The following ZNF774 variants were observed in gnomAD, a reference collection of about 807,000 sequenced individuals.
ZNF774 encodes zinc finger protein 774.
A neutral mutation model predicts 11.1 loss-of-function variants in ZNF774; 14 were observed. The observed-to-expected ratio is 1.26, with a 90% CI of 0.83 to 1.97. The LOEUF (loss-of-function observed/expected upper bound fraction) is 1.97. ZNF774 is among the 30% of genes most tolerant of loss of function. The pLI, the probability that ZNF774 is intolerant of heterozygous loss-of-function variation, is 0.00. For missense variants in ZNF774, 599 were observed against 587.0 expected (o/e 1.02, Z -0.21); for synonymous variants, 195 against 212.6 (o/e 0.92, Z 0.72).
chr15:90,359,782 C>G (rs917232227), intron 3 of ZNF774, among the ~76,000 whole-genome samples: 1 of 152,176 alleles, frequency 6.6e-6, no homozygotes, highest in African/African-American at 2.4e-5. Context: ...CTAAAGAAAC[C>G]GCACAATATT....
rs761997361 is a variant in ZNF774 at position 90,361,153 on chromosome 15, A to G, written c.1322A>G (p.Asn441Ser). 3.1e-6 allele frequency: 5 copies of G among 1,614,068 alleles called. No homozygotes were observed. The Admixed American group carries it at 6.7e-5, about 22-fold the overall frequency. ...YRCPECGKTFNQRSHFLTHQR... is the reference protein window; with the variant it reads ...YRCPECGKTFSQRSHFLTHQR... ...TGTCCTGAGTGTGGCAAGACCTTCA[A>G]TCAGCGTTCCCATTTCCTCACACAC... The change falls in exon 4 of 4, where the codon AAT (asparagine) becomes AGT (serine). Residue 441 changes from asparagine to serine, a missense_variant. Coordinates refer to ENST00000354377, the MANE Select transcript of ZNF774 (RefSeq NM_001004309.3).
chr15:90,353,392 A>G (rs1302534112), intron 1 of ZNF774, among the ~76,000 whole-genome samples: 1 of 151,462 alleles, frequency 6.6e-6, no homozygotes, highest in Non-Finnish European at 1.5e-5. Flanking sequence ...GACCAATAAT[A>G]ATGTCTGTAA....
intron 2 of ZNF774, among the ~76,000 whole-genome samples, 199 bp from the exon 3 acceptor site, chr15:90,358,652 G>A (rs1964279690): frequency 6.6e-6 from 1 of 152,096 alleles, no homozygotes; most frequent in Admixed American, 6.6e-5. Context: ...GGGAGGAAAA[G>A]GGCTTTTTTT....
At chr15:90,357,748 T>C (rs1289739223) in intron 2 of ZNF774, among the ~76,000 whole-genome samples, 1 of 152,008 alleles carries the variant, frequency 6.6e-6, no homozygotes, top group East Asian at 1.9e-4. Flanking sequence ...ATTTTTGTAT[T>C]TTTAGTAGAG....
At position 90,360,781 on chromosome 15, in the gene ZNF774, G is replaced by A. The variant is rs779818861; in HGVS notation, c.950G>A (p.Arg317Gln). The A allele has an allele frequency of 2.2e-5, 35 of 1,614,126 alleles. No homozygotes were observed. The highest frequency in any genetic ancestry group is 2.9e-5 in the Non-Finnish European group (34 of 1,180,016). The change falls in exon 4 of 4, where the codon CGG becomes CAG. Residue 317 changes from arginine to glutamine, a missense_variant. Coordinates refer to ENST00000354377, the MANE Select transcript of ZNF774 (RefSeq NM_001004309.3). ...IKHQRTHTGERPFKCPECGKG... is the reference protein window; with the variant it reads ...IKHQRTHTGEQPFKCPECGKG... ...CACCAACGAACCCACACGGGAGAAC[G>A]GCCCTTCAAATGCCCGGAGTGCGGG... is the stretch of plus-strand genomic sequence containing the variant.
intron 2 of ZNF774, among the ~76,000 whole-genome samples, chr15:90,355,089 G>T (rs572105876): frequency 6.6e-6 from 1 of 152,250 alleles, no homozygotes; most frequent in Admixed American, 6.5e-5. Context: ...AAAGTGCTAG[G>T]ATTATGGGCG....
rs375769841 is a variant in ZNF774 at position 90,360,784 on chromosome 15, C to A, written c.953C>A (p.Pro318His). ...CAACGAACCCACACGGGAGAACGGCCCTTCAAATGCCCGGAGTGCGGGAAG... is the reference window on the plus strand; with the variant it reads ...CAACGAACCCACACGGGAGAACGGCACTTCAAATGCCCGGAGTGCGGGAAG... ...KHQRTHTGERPFKCPECGKGF... is the reference protein window; with the variant it reads ...KHQRTHTGERHFKCPECGKGF... The change falls in exon 4 of 4, where the codon CCC becomes CAC. Residue 318 changes from proline to histidine, a missense_variant. Transcript: ENST00000354377. 1.2e-5 allele frequency: 19 copies of A among 1,614,166 alleles called. No homozygotes were observed. In the African/African-American group the frequency reaches 2.5e-4, roughly 22 times the overall value.
chr15:90,358,335 C>T (rs551596868), intron 2 of ZNF774, among the ~76,000 whole-genome samples: 18 of 152,346 alleles, frequency 1.2e-4, no homozygotes, highest in African/African-American at 4.1e-4. Context: ...ACTATATTGC[C>T]TCAGTGTATC....
chr15:90,356,439 C>A (rs568526330), intron 2 of ZNF774, among the ~76,000 whole-genome samples: 1 of 152,062 alleles, frequency 6.6e-6, no homozygotes, highest in Admixed American at 6.6e-5. Flanking sequence ...TCAAGTGATC[C>A]GCTGGCCTTG....
rs1171548364 is a variant in ZNF774, at chr15:90,362,573, C to G, written c.*1290C>G. 5 of 1,535,726 alleles carry G rather than the reference C, an allele frequency of 3.3e-6. No homozygotes were observed. The highest frequency in any genetic ancestry group is 4.4e-6 in the Non-Finnish European group (5 of 1,146,624). On this transcript the variant is annotated 3_prime_UTR_variant, in exon 4 of 4. Transcript: ENST00000354377. The stretch of plus-strand genomic sequence containing the variant: ...CATCCAGGTTATGCACTAGTACATT[C>G]CTACATTCAATTGAAATAAATTGAG...
At position 90,362,559 on chromosome 15, in the gene ZNF774, T is replaced by C. The variant is rs1012308934; in HGVS notation, c.*1276T>C. On this transcript the variant is annotated 3_prime_UTR_variant, in exon 4 of 4. Transcript: ENST00000354377. The stretch of plus-strand genomic sequence containing the variant: ...GATCCTTTTAGGGCCATCCAGGTTA[T>C]GCACTAGTACATTCCTACATTCAAT... 4 of 1,535,918 alleles carry C rather than the reference T, an allele frequency of 2.6e-6. No homozygotes were observed. In the African/African-American group the frequency reaches 4.1e-5, roughly 16 times the overall value.
chr15:90,358,412 T>C (rs1056940803), intron 2 of ZNF774, among the ~76,000 whole-genome samples: 1 of 152,232 alleles, frequency 6.6e-6, no homozygotes, highest in Non-Finnish European at 1.5e-5. Context: ...ACAGGCTACT[T>C]AACAACTGTT....
chr15:90,355,722 CAA>C (rs35498554), intron 2 of ZNF774, among the ~76,000 whole-genome samples: 8 of 40,018 alleles, frequency 2.0e-4, no homozygotes, highest in Middle Eastern at 0.022. Flanking sequence ...GACTCTGTCT[CAA>C]AAAAAAAAAA....
chr15:90,360,240 A>G lies in ZNF774; in HGVS notation c.409A>G (p.Arg137Gly), dbSNP rs780589581. 1.9e-6 allele frequency: 3 copies of G among 1,614,220 alleles called. No individual in the cohort carries two copies. The highest frequency in any genetic ancestry group is 2.5e-6 in the Non-Finnish European group (3 of 1,180,034). ...EGQLESFSQERDLNKLLDGYV... is the reference protein window; with the variant it reads ...EGQLESFSQEGDLNKLLDGYV... ...CCAGCTGGAGTCCTTTTCACAGGAG[A>G]GGGATTTAAACAAGCTCCTGGATGG... The change falls in exon 4 of 4, where the codon AGG becomes GGG. Residue 137 changes from arginine to glycine, a missense_variant. By Grantham distance (125) the Arg-to-Gly change is moderately radical. Transcript: ENST00000354377.
chr15:90,356,069 A>G (rs1964244753), intron 2 of ZNF774, among the ~76,000 whole-genome samples: 1 of 149,594 alleles, frequency 6.7e-6, no homozygotes, highest in Non-Finnish European at 1.5e-5. Flanking sequence ...AACACCTCCA[A>G]TGCTCTTTCT....
intron 2 of ZNF774, chr15:90,355,540 T>A: frequency 2.4e-6 from 1 of 416,906 alleles, no homozygotes; most frequent in Non-Finnish European, 4.8e-6. Flanking sequence ...CTGGCCAACA[T>A]GATGAAACCC....
In ZNF774 at chr15:90,352,371, G is replaced by T. The variant is rs1296779194; in HGVS notation, c.-60G>T. 3.9e-5 allele frequency: 6 copies of T among 152,702 alleles called. No individual in the cohort carries two copies. Among genetic ancestry groups the T allele is most frequent in the Admixed American group, 6.5e-5 (1 of 15,292 alleles). The allele number at this position is 152,702 out of a possible 1,614,324, so 9.5% of individuals were successfully genotyped here. On this transcript the variant is annotated 5_prime_UTR_variant, in exon 1 of 4. The change creates a new upstream start codon in the 5' untranslated region. Transcript: ENST00000354377. ...GGGCCGGGTGCGGCTCGGCGGTGGA[G>T]GACTCACTTCCTGCTCCATCCCCGG...
chr15:90,356,038 A>AT (rs1964242972), intron 2 of ZNF774, among the ~76,000 whole-genome samples: 1 of 103,852 alleles, frequency 9.6e-6, no homozygotes, highest in Non-Finnish European at 2.3e-5. Flanking sequence ...AAAAAAAAAA[A>AT]AATAAATAAA....
chr15:90,354,953 C>T (rs549636800), intron 2 of ZNF774, among the ~76,000 whole-genome samples, 189 bp downstream of exon 2: 3 of 152,264 alleles, frequency 2.0e-5, no homozygotes, highest in Admixed American at 6.5e-5. Flanking sequence ...TGCCACCATG[C>T]CTAGCTAATT....
Sources: gnomAD v4.1 joint callset for allele counts (sites outside exome capture counted in the v4.1 genomes callset) on GRCh38, gnomAD v4.1.1 for gene constraint, MANE v1.5 for transcripts, NCBI Gene and HGNC (gene_info 2026-07-23, HGNC 2026-07-21) for gene names.